XIRP2: variants seen among roughly 807,000 people sequenced by gnomAD.
XIRP2 encodes the protein xin actin-binding repeat-containing protein 2.
XIRP2 carries 236 observed loss-of-function variants against 277.0 expected under a neutral mutation model. That is an observed-to-expected ratio of 0.85 (90% CI 0.77 to 0.95). The LOEUF (loss-of-function observed/expected upper bound fraction) is 0.95. XIRP2 is among the 40% of genes least tolerant of loss of function. The pLI, the probability that XIRP2 is intolerant of heterozygous loss-of-function variation, is 0.00. For missense variants in XIRP2, 4,640 were observed against 4,157.5 expected, an observed-to-expected ratio of 1.12 and a Z score of -3.19; for synonymous variants, 1,490 against 1,416.5, an observed-to-expected ratio of 1.05 and a Z score of -1.17.
chr2:167,095,263 A>C (rs1277003984), intron 2 of XIRP2, among the ~76,000 whole-genome samples: 1 of 152,132 alleles, frequency 6.6e-6, no homozygotes, highest in Non-Finnish European at 1.5e-5. Flanking sequence ...CTGCAAACAG[A>C]GATAATTTGA....
intron 5 of XIRP2, among the ~76,000 whole-genome samples, chr2:167,226,549 G>A (rs1001141750): frequency 1.3e-5 from 2 of 152,254 alleles, no homozygotes; most frequent in African/African-American, 4.8e-5. Context: ...GCAACCACAC[G>A]AGGACTTGCA....
chr2:167,157,557 A>G (rs1414750262), intron 3 of XIRP2, among the ~76,000 whole-genome samples: 2 of 152,052 alleles, frequency 1.3e-5, no homozygotes, highest in East Asian at 3.9e-4. Flanking sequence ...TTCTAGAACC[A>G]CCAAATAGAT....
chr2:167,090,726 T>G (rs1017214598), intron 2 of XIRP2, among the ~76,000 whole-genome samples: 1 of 152,034 alleles, frequency 6.6e-6, no homozygotes, highest in South Asian at 2.1e-4. Context: ...AAAGAAACCT[T>G]AGGGGTGTCC....
chr2:167,232,378 C>T (rs1252547207), intron 5 of XIRP2, among the ~76,000 whole-genome samples: 1 of 151,910 alleles, frequency 6.6e-6, no homozygotes, highest in East Asian at 1.9e-4. Context: ...TGTCACAATA[C>T]ATACAGGCTC....
intron 2 of XIRP2, among the ~76,000 whole-genome samples, chr2:166,942,976 A>G (rs1383973278): frequency 6.6e-6 from 1 of 152,176 alleles, no homozygotes; most frequent in Non-Finnish European, 1.5e-5. Context: ...CAGAAGTTAT[A>G]TTCCAGGAGA....
intron 2 of XIRP2, among the ~76,000 whole-genome samples, chr2:166,965,883 G>A (rs1340777334): frequency 6.6e-6 from 1 of 151,628 alleles, no homozygotes; most frequent in Non-Finnish European, 1.5e-5. Flanking sequence ...ACCATGCCTG[G>A]CCTCTAAGTT....
Position 167,227,606 on chromosome 2 carries a change from C to T in XIRP2, c.858+9306C>T, listed in dbSNP as rs141922383. Among the ~76,000 whole-genome samples the T allele has an allele frequency of 3.2e-3, 488 of 152,048 alleles. 21 individuals carry two copies. In the East Asian group the frequency reaches 0.066, roughly 21 times the overall value. ...CTTGTAGTCCCAGCTACTCAGGAGG[C>T]TGAGGTGGAAGGATGACTTGAGCCC... On this transcript the variant is annotated intron_variant, in intron 5 of 10. Coordinates refer to ENST00000409195, the MANE Select transcript of XIRP2 (RefSeq NM_152381.6).
intron 2 of XIRP2, among the ~76,000 whole-genome samples, chr2:166,919,784 G>A (rs1306476971): frequency 6.6e-6 from 1 of 151,898 alleles, no homozygotes; most frequent in Non-Finnish European, 1.5e-5. Context: ...GCTCCACAGA[G>A]AAATTTTCTT....
intron 2 of XIRP2, among the ~76,000 whole-genome samples, chr2:166,946,358 T>A (rs1211145824): frequency 6.6e-6 from 1 of 152,180 alleles, no homozygotes; most frequent in African/African-American, 2.4e-5. Flanking sequence ...GCGCAAACTA[T>A]CCATTTGCTT....
intron 2 of XIRP2, among the ~76,000 whole-genome samples, chr2:167,093,896 T>C (rs1030885692): frequency 2.6e-5 from 4 of 152,122 alleles, no homozygotes; most frequent in African/African-American, 9.7e-5. Flanking sequence ...CACCACTCTG[T>C]CTTCCCCACT....
intron 3 of XIRP2, among the ~76,000 whole-genome samples, chr2:167,157,130 GAACAGGC>G (rs910744599): frequency 1.3e-5 from 2 of 151,602 alleles, no homozygotes; most frequent in Admixed American, 1.3e-4. Flanking sequence ...AAAATCATGG[GAACAGGC>G]ATTGTCAATA....
At chr2:167,089,110 G>C (rs1265718615) in intron 2 of XIRP2, among the ~76,000 whole-genome samples, 1 of 152,102 alleles carries the variant, frequency 6.6e-6, no homozygotes, top group Non-Finnish European at 1.5e-5. Context: ...TACTACTTAG[G>C]ATGATGTCAG....
intron 3 of XIRP2, among the ~76,000 whole-genome samples, chr2:167,184,134 C>A (rs1056921671): frequency 6.6e-6 from 1 of 152,090 alleles, no homozygotes; most frequent in Non-Finnish European, 1.5e-5. Context: ...CACTCCAAGC[C>A]TGATCAAATG....
At chr2:167,066,735 T>C (rs1689311254) in intron 2 of XIRP2, among the ~76,000 whole-genome samples, 1 of 152,102 alleles carries the variant, frequency 6.6e-6, no homozygotes, top group Admixed American at 6.6e-5. Context: ...ACAACCTAAA[T>C]ATCCATCAAT....
chr2:166,963,856 G>A (rs1342318818), intron 2 of XIRP2, among the ~76,000 whole-genome samples: 2 of 151,810 alleles, frequency 1.3e-5, no homozygotes, highest in Non-Finnish European at 2.9e-5. Context: ...GGGCTTTTAA[G>A]TAGAGGAAGT....
chr2:167,048,452 T>A (rs1558961236), intron 2 of XIRP2, among the ~76,000 whole-genome samples: 1 of 151,964 alleles, frequency 6.6e-6, no homozygotes, highest in Non-Finnish European at 1.5e-5. Flanking sequence ...TAATCCAATA[T>A]CAAGGTCACT....
At chr2:166,968,321 C>G (rs747099672) in intron 2 of XIRP2, among the ~76,000 whole-genome samples, 1 of 151,804 alleles carries the variant, frequency 6.6e-6, no homozygotes, top group Non-Finnish European at 1.5e-5. Context: ...GTTCTTTTAT[C>G]TATACAAAAA....
At chr2:166,895,640 C>T (rs1342885997) in intron 1 of XIRP2, among the ~76,000 whole-genome samples, 1 of 152,156 alleles carries the variant, frequency 6.6e-6, no homozygotes. Flanking sequence ...TTCATTTCAG[C>T]TGAATCTTTT....
intron 2 of XIRP2, among the ~76,000 whole-genome samples, chr2:167,086,014 G>A (rs1281525640): frequency 6.6e-6 from 1 of 151,810 alleles, no homozygotes; most frequent in Non-Finnish European, 1.5e-5. Flanking sequence ...TTGCTCGTTA[G>A]TTGATGCAGT....
Sources: allele counts gnomAD v4.1 joint callset (sites outside exome capture counted in the v4.1 genomes callset), GRCh38; gene constraint gnomAD v4.1.1; transcripts MANE v1.5; gene names NCBI Gene and HGNC (gene_info 2026-07-23, HGNC 2026-07-21).